BCKDHB: variants seen among roughly 807,000 people sequenced by gnomAD.
BCKDHB encodes the protein 2-oxoisovalerate dehydrogenase subunit beta, mitochondrial.
BCKDHB carries 41 observed loss-of-function variants against 48.5 expected under a neutral mutation model. The ratio of observed to expected loss-of-function variants is 0.85; its 90% CI spans 0.66 to 1.10. The LOEUF is 1.10. Among genes scored for constraint, BCKDHB ranks in the 50% least tolerant of loss-of-function variants. The pLI is 0.00. For missense variants in BCKDHB, 496 were observed against 494.2 expected (o/e 1.00, Z -0.03); for synonymous variants, 201 against 174.8 (o/e 1.15, Z -1.18).
chr6:80,337,394 C>G (rs1201161640), intron 9 of BCKDHB, among the ~76,000 whole-genome samples: 1 of 152,026 alleles, frequency 6.6e-6, no homozygotes, highest in East Asian at 1.9e-4. Context: ...CTAATTATGA[C>G]CTCTAGAAGG....
the BCKDHB span, among the ~76,000 whole-genome samples, chr6:80,351,291 A>G: frequency 7.2e-5 from 11 of 152,158 alleles, no homozygotes; most frequent in African/African-American, 2.7e-4. Flanking sequence ...CTCTAGGACA[A>G]TATTGTGCTT....
chr6:80,402,247 G>T, the BCKDHB span, among the ~76,000 whole-genome samples: 1 of 151,736 alleles, frequency 6.6e-6, no homozygotes, highest in East Asian at 1.9e-4. Context: ...GTGTACAAGG[G>T]TTCCCTTTTT....
At chr6:80,241,097 C>T (rs1177934593) in intron 8 of BCKDHB, among the ~76,000 whole-genome samples, 1 of 152,110 alleles carries the variant, frequency 6.6e-6, no homozygotes, top group Non-Finnish European at 1.5e-5. Flanking sequence ...TTTTCATCTC[C>T]ATCAGGTCAT....
the BCKDHB span, among the ~76,000 whole-genome samples, chr6:80,450,548 G>A: frequency 6.6e-6 from 1 of 152,060 alleles, no homozygotes; most frequent in Admixed American, 6.6e-5. Flanking sequence ...CTTACACAAA[G>A]GACAATAGAT....
the BCKDHB span, among the ~76,000 whole-genome samples, chr6:80,462,048 A>T: frequency 2.0e-5 from 3 of 152,108 alleles, no homozygotes; most frequent in Non-Finnish European, 4.4e-5. Flanking sequence ...TCCTATCCAT[A>T]AAAAATAAAA....
At chr6:80,305,317 C>G (rs561861796) in intron 9 of BCKDHB, among the ~76,000 whole-genome samples, 34 of 151,976 alleles carry the variant, frequency 2.2e-4, no homozygotes, top group Middle Eastern at 3.4e-3. Flanking sequence ...TTAAAAAAGA[C>G]TATGTTCACA....
chr6:80,350,753 A>G (rs1770370687), downstream of BCKDHB, among the ~76,000 whole-genome samples: 1 of 152,228 alleles, frequency 6.6e-6, no homozygotes, highest in South Asian at 2.1e-4. Context: ...AAGAATTAGA[A>G]TAATTATTTC....
chr6:80,291,326 G>C (rs866862568), intron 9 of BCKDHB, among the ~76,000 whole-genome samples: 22 of 152,188 alleles, frequency 1.4e-4, no homozygotes, highest in African/African-American at 5.3e-4. Flanking sequence ...CTTGCATTCA[G>C]GGTAGAGAGG....
chr6:80,335,333 T>A (rs530269647), intron 9 of BCKDHB, among the ~76,000 whole-genome samples: 44 of 151,742 alleles, frequency 2.9e-4, no homozygotes, highest in Admixed American at 1.8e-3. Context: ...AAATCAGAAA[T>A]CCTACCTTAC....
At chr6:80,432,197 T>A in the BCKDHB span, among the ~76,000 whole-genome samples, 2 of 151,594 alleles carry the variant, frequency 1.3e-5, no homozygotes, top group African/African-American at 4.8e-5. Flanking sequence ...TGAGGTGTTC[T>A]CTGTATTTCC....
At chr6:80,425,681 G>A in the BCKDHB span, among the ~76,000 whole-genome samples, 4 of 152,262 alleles carry the variant, frequency 2.6e-5, no homozygotes, top group East Asian at 3.9e-4. Context: ...TACCATGATC[G>A]TCTGCAAGGT....
chr6:80,233,674 G>A (rs1776026915), intron 8 of BCKDHB, among the ~76,000 whole-genome samples: 1 of 152,068 alleles, frequency 6.6e-6, no homozygotes. Flanking sequence ...TATCTACTTT[G>A]CGTGTCAAAT....
the BCKDHB span, among the ~76,000 whole-genome samples, chr6:80,393,009 T>G: frequency 5.9e-5 from 9 of 152,010 alleles, no homozygotes; most frequent in Admixed American, 2.0e-4. Flanking sequence ...TAATATTGAC[T>G]CTCTAATACA....
At chr6:80,215,855 C>T (rs1353486565) in intron 8 of BCKDHB, among the ~76,000 whole-genome samples, 1 of 152,196 alleles carries the variant, frequency 6.6e-6, no homozygotes, top group East Asian at 1.9e-4. Flanking sequence ...CATTCTCCTG[C>T]CTCAGCCTCC....
chr6:80,385,775 G>T, the BCKDHB span, among the ~76,000 whole-genome samples: 2 of 152,158 alleles, frequency 1.3e-5, no homozygotes, highest in Non-Finnish European at 2.9e-5. Flanking sequence ...CACTGGAAAA[G>T]AACCGAGTTT....
intron 3 of BCKDHB, among the ~76,000 whole-genome samples, chr6:80,159,509 C>T (rs1374338996): frequency 6.6e-6 from 1 of 152,074 alleles, no homozygotes; most frequent in South Asian, 2.1e-4. Flanking sequence ...AAGCATTTTT[C>T]TGGCCTGTCT....
Position 80,345,698 on chromosome 6 carries a change from CA to C in BCKDHB, c.*1895del, listed in dbSNP as rs1770166605. On this transcript the variant is annotated 3_prime_UTR_variant, in exon 10 of 10. Transcript: ENST00000320393. ...CTTAGAGCTGGTTAGAGGACTCCTT[CA>C]CTTTTGTTGTCCATGTGGTTCCCTT... is the stretch of plus-strand genomic sequence containing the variant. The C allele has an allele frequency of 6.6e-6, 1 of 152,208 alleles. No homozygotes were observed. Among genetic ancestry groups the C allele is most frequent in the African/African-American group, 2.4e-5 (1 of 41,454 alleles). 9.4% of individuals were successfully genotyped at this position (152,208 alleles called of 1,614,324 possible).
the BCKDHB span, among the ~76,000 whole-genome samples, chr6:80,404,222 A>G: frequency 6.6e-6 from 1 of 151,800 alleles, no homozygotes; most frequent in Non-Finnish European, 1.5e-5. Flanking sequence ...TTCAAAGGGA[A>G]TTTTTTTTAA....
chr6:80,420,020 T>C, the BCKDHB span, among the ~76,000 whole-genome samples: 16 of 152,310 alleles, frequency 1.1e-4, no homozygotes, highest in Admixed American at 9.1e-4. Context: ...ATAAGCTTGT[T>C]GAATTTCTCA....
Sources: allele counts gnomAD v4.1 joint callset (sites outside exome capture counted in the v4.1 genomes callset), GRCh38; gene constraint gnomAD v4.1.1; transcripts MANE v1.5; gene names NCBI Gene and HGNC (gene_info 2026-07-23, HGNC 2026-07-21).